The following TRABD2B variants were observed in gnomAD, a reference collection of about 807,000 sequenced individuals.
TRABD2B encodes the protein TraB domain containing 2B.
A neutral mutation model predicts 40.1 loss-of-function variants in TRABD2B; 14 were observed. That is an observed-to-expected ratio of 0.35 (90% CI 0.23 to 0.55). The LOEUF (loss-of-function observed/expected upper bound fraction) is 0.55. TRABD2B is among the 20% of genes least tolerant of loss of function. The pLI, the probability that TRABD2B is intolerant of heterozygous loss-of-function variation, is 0.90. For synonymous variants in TRABD2B, 263 were observed against 277.0 expected (o/e 0.95, Z 0.50); for missense variants, 541 against 648.6 (o/e 0.83, Z 1.80).
chr1:47,914,749 C>T (rs1446813856), intron 2 of TRABD2B, among the ~76,000 whole-genome samples: 2 of 152,194 alleles, frequency 1.3e-5, no homozygotes, highest in Non-Finnish European at 2.9e-5. Flanking sequence ...TCAGCAGAAT[C>T]GGAACCAGGT....
intron 2 of TRABD2B, among the ~76,000 whole-genome samples, chr1:47,814,961 G>A (rs1047020683): frequency 1.3e-5 from 2 of 152,196 alleles, no homozygotes; most frequent in African/African-American, 4.8e-5. Context: ...AGGGTCCTTA[G>A]ATCCTGCATG....
chr1:47,768,795 C>A (rs1022216341), intron 6 of TRABD2B, among the ~76,000 whole-genome samples: 1 of 152,152 alleles, frequency 6.6e-6, no homozygotes, highest in African/African-American at 2.4e-5. Context: ...TAACACCTTC[C>A]ACTTATAGAG....
chr1:47,975,022 G>A (rs1342635982), intron 2 of TRABD2B, among the ~76,000 whole-genome samples: 2 of 152,174 alleles, frequency 1.3e-5, no homozygotes, highest in Non-Finnish European at 2.9e-5. Context: ...AGGAAAGTCT[G>A]AGAAACTGCC....
At chr1:47,921,658 C>T (rs2124735898) in intron 2 of TRABD2B, among the ~76,000 whole-genome samples, 1 of 152,308 alleles carries the variant, frequency 6.6e-6, no homozygotes, top group African/African-American at 2.4e-5. Context: ...AGCCAACTGT[C>T]TCTAAAACCC....
chr1:47,799,339 G>A (rs1415398451), intron 3 of TRABD2B, among the ~76,000 whole-genome samples: 3 of 152,134 alleles, frequency 2.0e-5, no homozygotes, highest in Non-Finnish European at 2.9e-5. Flanking sequence ...GGTGGGCCTG[G>A]CCACAAAGGG....
intron 4 of TRABD2B, among the ~76,000 whole-genome samples, chr1:47,792,816 C>A (rs747444442): frequency 2.4e-4 from 36 of 152,120 alleles, no homozygotes; most frequent in Non-Finnish European, 5.0e-4. Context: ...GGCCCCTTCA[C>A]TGACTGCACT....
chr1:47,996,862 G>C lies in TRABD2B; in HGVS notation c.-73C>G. 1 of 1,152,954 alleles carries C rather than the reference G, an allele frequency of 8.7e-7. No individual in the cohort carries two copies. Among genetic ancestry groups the C allele is most frequent in the Non-Finnish European group, 1.1e-6 (1 of 937,772 alleles). 71.4% of individuals were successfully genotyped at this position (1,152,954 alleles called of 1,614,324 possible). On this transcript the variant is annotated 5_prime_UTR_variant, in exon 1 of 7. Coordinates refer to ENST00000606738, the MANE Select transcript of TRABD2B (RefSeq NM_001194986.2). The surrounding 1 kb of genome is among the most constrained non-coding windows in gnomAD (Gnocchi z 4.6). Reference sequence around the variant, plus strand: ...TCAGCGGGGCGGGGAGCCCCCAGTTGGGCACGGAGTTTCCTCTGGAGCACG... The same window carrying C: ...TCAGCGGGGCGGGGAGCCCCCAGTTCGGCACGGAGTTTCCTCTGGAGCACG...
chr1:47,766,854 A>G (rs1309584670), intron 6 of TRABD2B, among the ~76,000 whole-genome samples: 1 of 152,202 alleles, frequency 6.6e-6, no homozygotes, highest in Non-Finnish European at 1.5e-5. Context: ...CAAAAACAGA[A>G]TCTAGTTTTG....
intron 2 of TRABD2B, among the ~76,000 whole-genome samples, chr1:47,956,113 C>T (rs1189061383): frequency 6.6e-6 from 1 of 152,162 alleles, no homozygotes; most frequent in Non-Finnish European, 1.5e-5. Context: ...AGAACCACAA[C>T]AAGGAGGAAG....
At chr1:47,938,563 A>G (rs1645144033) in intron 2 of TRABD2B, among the ~76,000 whole-genome samples, 1 of 152,314 alleles carries the variant, frequency 6.6e-6, no homozygotes, top group Admixed American at 6.5e-5. Flanking sequence ...CTTTGAGAAT[A>G]GTGCATACTC....
intron 2 of TRABD2B, among the ~76,000 whole-genome samples, chr1:47,950,476 G>A (rs1360044541): frequency 6.6e-6 from 1 of 152,140 alleles, no homozygotes; most frequent in Non-Finnish European, 1.5e-5. Context: ...AGTTTGATGA[G>A]CTGAAGAAAC....
At chr1:47,895,986 C>G (rs1644513304) in intron 2 of TRABD2B, among the ~76,000 whole-genome samples, 1 of 152,240 alleles carries the variant, frequency 6.6e-6, no homozygotes, top group Non-Finnish European at 1.5e-5. Flanking sequence ...AGGACTCATT[C>G]CAGCAATGGC....
At chr1:47,922,382 G>C (rs1644914666) in intron 2 of TRABD2B, among the ~76,000 whole-genome samples, 1 of 152,250 alleles carries the variant, frequency 6.6e-6, no homozygotes, top group Non-Finnish European at 1.5e-5. Context: ...ACTGGGGCCA[G>C]GTCAGGGCTG....
At chr1:47,900,002 GT>G (rs1336467795) in intron 2 of TRABD2B, among the ~76,000 whole-genome samples, 1 of 152,168 alleles carries the variant, frequency 6.6e-6, no homozygotes, top group Admixed American at 6.5e-5. Flanking sequence ...TCAGATCCAA[GT>G]TTCCCTGTGG....
chr1:47,884,065 G>T (rs1644340211), intron 2 of TRABD2B, among the ~76,000 whole-genome samples: 1 of 152,220 alleles, frequency 6.6e-6, no homozygotes, highest in Admixed American at 6.5e-5. Context: ...ATCAGCATTT[G>T]TGACAGTTAA....
intron 2 of TRABD2B, among the ~76,000 whole-genome samples, chr1:47,977,540 C>T (rs1254471085): frequency 6.6e-6 from 1 of 152,062 alleles, no homozygotes; most frequent in Non-Finnish European, 1.5e-5. Context: ...TTCTTATCTC[C>T]ATTTTATATA....
At chr1:47,992,492 G>C (rs1646025860) in intron 2 of TRABD2B, among the ~76,000 whole-genome samples, 1 of 152,164 alleles carries the variant, frequency 6.6e-6, no homozygotes, top group African/African-American at 2.4e-5. Context: ...TCTGTGGTTG[G>C]TGCAAAGAGA....
chr1:47,961,762 G>A (rs1410792160), intron 2 of TRABD2B, among the ~76,000 whole-genome samples: 1 of 152,202 alleles, frequency 6.6e-6, no homozygotes, highest in Non-Finnish European at 1.5e-5. Flanking sequence ...TACACTGTTG[G>A]TGGGACTGCA....
intron 2 of TRABD2B, among the ~76,000 whole-genome samples, chr1:47,878,380 C>T (rs1021612201): frequency 1.3e-5 from 2 of 152,160 alleles, no homozygotes; most frequent in South Asian, 2.1e-4. Flanking sequence ...AATGAGACAA[C>T]GTGATGTGCC....
Sources: allele counts gnomAD v4.1 joint callset (sites outside exome capture counted in the v4.1 genomes callset), GRCh38; gene constraint gnomAD v4.1.1; non-coding constraint Gnocchi (gnomAD v3.1); transcripts MANE v1.5; gene names NCBI Gene and HGNC (gene_info 2026-07-23, HGNC 2026-07-21).